NLGN1: variants seen among roughly 807,000 people sequenced by gnomAD.
NLGN1 encodes neuroligin-1.
A neutral mutation model predicts 65.5 loss-of-function variants in NLGN1; 12 were observed. That is an observed-to-expected ratio of 0.18 (90% CI 0.12 to 0.30). The LOEUF is 0.30. Among genes scored for constraint, NLGN1 ranks in the 10% least tolerant of loss-of-function variants. NLGN1 has a pLI of 1.00. For missense variants in NLGN1, 750 were observed against 1,007.1 expected, an observed-to-expected ratio of 0.74 and a Z score of 3.46; for synonymous variants, 350 against 359.5, an observed-to-expected ratio of 0.97 and a Z score of 0.30.
intron 2 of NLGN1, among the ~76,000 whole-genome samples, chr3:173,508,756 C>T (rs1663462090): frequency 6.6e-6 from 1 of 152,132 alleles, no homozygotes; most frequent in Non-Finnish European, 1.5e-5. Context: ...TCAGTTTGCT[C>T]CCCAAGGAAT....
chr3:173,668,619 C>CTTTT, intron 3 of NLGN1, among the ~76,000 whole-genome samples: 1 of 132,744 alleles, frequency 7.5e-6, no homozygotes, highest in South Asian at 2.4e-4. Context: ...CTTTTCTTTT[C>CTTTT]TTTTTTTTTT....
At chr3:173,489,390 T>C (rs963949450) in intron 2 of NLGN1, among the ~76,000 whole-genome samples, 9 of 152,126 alleles carry the variant, frequency 5.9e-5, no homozygotes, top group East Asian at 1.9e-4. Flanking sequence ...CAGCTTCATC[T>C]ATGTCCCTAC....
At chr3:174,107,017 C>CACACAGAGAGAG (rs773314392) in intron 4 of NLGN1, among the ~76,000 whole-genome samples, 8 of 97,688 alleles carry the variant, frequency 8.2e-5, no homozygotes, top group South Asian at 8.5e-4. Flanking sequence ...CACACACACA[C>CACACAGAGAGAG]AGAGAGAGAG....
At chr3:174,183,704 A>G (rs534535234) in intron 4 of NLGN1, among the ~76,000 whole-genome samples, 1 of 152,306 alleles carries the variant, frequency 6.6e-6, no homozygotes, top group African/African-American at 2.4e-5. Context: ...ACACATACAC[A>G]ACATTCATAA....
chr3:173,837,884 G>C (rs1345762357), intron 4 of NLGN1, among the ~76,000 whole-genome samples: 1 of 152,192 alleles, frequency 6.6e-6, no homozygotes, highest in Non-Finnish European at 1.5e-5. Flanking sequence ...GGTGGAGACT[G>C]TATGCAGTTC....
intron 3 of NLGN1, among the ~76,000 whole-genome samples, chr3:173,616,577 A>G (rs1360460171): frequency 6.6e-6 from 1 of 152,056 alleles, no homozygotes; most frequent in African/African-American, 2.4e-5. Context: ...ATAGAAGCCA[A>G]CCCTCCCGAC....
chr3:173,681,097 GGACT>G (rs1253798429), intron 3 of NLGN1, among the ~76,000 whole-genome samples: 2 of 152,054 alleles, frequency 1.3e-5, no homozygotes, highest in East Asian at 1.9e-4. Context: ...CATGATGATT[GGACT>G]GACTGTTAAC....
intron 1 of NLGN1, among the ~76,000 whole-genome samples, chr3:173,420,973 G>C (rs1267805948): frequency 6.6e-6 from 1 of 152,036 alleles, no homozygotes; most frequent in African/African-American, 2.4e-5. Flanking sequence ...ATATCAGGTA[G>C]TACAAGCCCT....
rs1019574331 is a variant in NLGN1 at position 173,539,635 on chromosome 3, C to G, written c.-320-64644C>G. Among the ~76,000 whole-genome samples the G allele has an allele frequency of 2.5e-4, 9 of 36,186 alleles. No homozygotes were observed. In the East Asian group the frequency reaches 6.1e-3, roughly 25 times the overall value. The allele number at this position is 36,186 out of a possible 152,430, so 23.7% of individuals were successfully genotyped here. A position where few individuals can be genotyped will look rare whatever the true frequency, so the allele number is the denominator to read the frequency against. The stretch of plus-strand genomic sequence containing the variant: ...TATATATTATATATTTATATATACA[C>G]ATATATACATATATAACATATGTGT... On this transcript the variant is annotated intron_variant, in intron 2 of 6. Transcript: ENST00000457714.
intron 2 of NLGN1, among the ~76,000 whole-genome samples, chr3:173,467,174 A>T (rs1290191660): frequency 6.6e-6 from 1 of 152,106 alleles, no homozygotes; most frequent in African/African-American, 2.4e-5. Context: ...TATATGTTAC[A>T]TGAATTTATT....
chr3:173,992,872 G>GA (rs1721414918), intron 4 of NLGN1, among the ~76,000 whole-genome samples: 1 of 152,238 alleles, frequency 6.6e-6, no homozygotes, highest in East Asian at 1.9e-4. Flanking sequence ...AAGTAACCTG[G>GA]AAAAGATTTC....
At chr3:174,185,807 C>A (rs1210647317) in intron 4 of NLGN1, among the ~76,000 whole-genome samples, 4 of 149,474 alleles carry the variant, frequency 2.7e-5, no homozygotes, top group East Asian at 2.0e-4. Context: ...AGAAATTAAC[C>A]AAAAAAAAAC....
intron 2 of NLGN1, among the ~76,000 whole-genome samples, chr3:173,559,425 CA>C (rs1208920651): frequency 6.6e-6 from 1 of 152,178 alleles, no homozygotes; most frequent in East Asian, 1.9e-4. Flanking sequence ...GGACTTGACC[CA>C]ATGAATACAA....
intron 2 of NLGN1, among the ~76,000 whole-genome samples, chr3:173,529,521 G>T (rs763053793): frequency 5.3e-5 from 8 of 152,208 alleles, no homozygotes; most frequent in African/African-American, 1.9e-4. Context: ...TGGGGTTGAA[G>T]AGGCTGCACC....
At chr3:173,554,445 C>T (rs1741395490) in intron 2 of NLGN1, among the ~76,000 whole-genome samples, 2 of 152,118 alleles carry the variant, frequency 1.3e-5, no homozygotes, top group African/African-American at 4.8e-5. Context: ...CATCATCCCC[C>T]GAAGTTCCTC....
chr3:173,617,598 T>C (rs1317758500), intron 3 of NLGN1, among the ~76,000 whole-genome samples: 3 of 152,310 alleles, frequency 2.0e-5, no homozygotes, highest in Middle Eastern at 6.8e-3. Flanking sequence ...TCAGAGTCTT[T>C]AACTAAGAAA....
At chr3:174,191,374 AT>A (rs1325489621) in intron 4 of NLGN1, among the ~76,000 whole-genome samples, 1 of 152,144 alleles carries the variant, frequency 6.6e-6, no homozygotes, top group Non-Finnish European at 1.5e-5. Context: ...GTAGATAATT[AT>A]TTTTTAGTAC....
chr3:173,648,109 G>C (rs1758563629), intron 3 of NLGN1, among the ~76,000 whole-genome samples: 1 of 150,146 alleles, frequency 6.7e-6, no homozygotes, highest in African/African-American at 2.5e-5. Flanking sequence ...CACTGAAAAA[G>C]AACAAAGTAG....
intron 3 of NLGN1, among the ~76,000 whole-genome samples, chr3:173,788,001 T>C (rs1711588227): frequency 6.6e-6 from 1 of 152,092 alleles, no homozygotes. Context: ...AAAATATAAC[T>C]TCATCCAGAA....
Sources: gnomAD v4.1 joint callset for allele counts (sites outside exome capture counted in the v4.1 genomes callset) on GRCh38, gnomAD v4.1.1 for gene constraint, MANE v1.5 for transcripts, NCBI Gene and HGNC (gene_info 2026-07-23, HGNC 2026-07-21) for gene names.